The following LIN37 variants were observed in gnomAD, a reference collection of about 807,000 sequenced individuals.
The protein encoded by LIN37 is lin-37 DREAM MuvB core complex component, also known as protein lin-37 homolog.
A neutral mutation model predicts 38.0 loss-of-function variants in LIN37; 21 were observed. The observed-to-expected ratio is 0.55, with a 90% CI of 0.39 to 0.80. The LOEUF (loss-of-function observed/expected upper bound fraction) is 0.80. Among genes scored for constraint, LIN37 ranks in the 30% least tolerant of loss-of-function variants. LIN37 has a pLI of 0.00. For synonymous variants in LIN37, 126 were observed against 122.9 expected (o/e 1.03, Z -0.17); for missense variants, 273 against 338.5 (o/e 0.81, Z 1.52).
Position 35,753,083 on chromosome 19 carries a change from C to T in LIN37, c.278-4C>T. On this transcript the variant is annotated splice_region_variant and splice_polypyrimidine_tract_variant and intron_variant, in intron 5 of 8. Coordinates refer to ENST00000301159, the MANE Select transcript of LIN37 (RefSeq NM_019104.3). ...TCACACACCTCCCATCCCCACCTTC[C>T]CAGACACATATGTGATCAAGCTGTT... 6.2e-7 allele frequency: 1 copy of T among 1,604,296 alleles called. No individual in the cohort carries two copies. The highest frequency in any genetic ancestry group is 8.5e-7 in the Non-Finnish European group (1 of 1,175,470).
chr19:35,752,323 G>A (rs1970690168), intron 2 of LIN37, 72 bp downstream of exon 2: 1 of 1,573,668 alleles, frequency 6.4e-7, no homozygotes, highest in Admixed American at 1.8e-5. Context: ...TGGATTGGGT[G>A]GGACCCCACA....
Position 35,754,447 on chromosome 19 carries a change from C to T in LIN37, c.714C>T (p.Ile238=). 2 of 1,614,044 alleles carry T rather than the reference C, an allele frequency of 1.2e-6. No homozygotes were observed. Among genetic ancestry groups the T allele is most frequent in the South Asian group, 1.1e-5 (1 of 91,088 alleles). The change falls in exon 9 of 9, where the codon ATC becomes ATT. Residue 238 remains isoleucine, a synonymous_variant. Transcript: ENST00000301159. ...TTCGTTACTCAGAAAGCATGAAGAT[C>T]CTACGAGAGATGTACGAACGACAGT... ...NQLRYSESMK[I]LREMYERQ
At chr19:35,752,106 C>A in intron 1 of LIN37, 70 bp from the exon 2 acceptor site, 1 of 1,249,976 alleles carries the variant, frequency 8.0e-7, no homozygotes, top group Admixed American at 2.0e-5. Flanking sequence ...ACGCCCTTCC[C>A]TGGCCCAGTC....
intron 6 of LIN37, 119 bp downstream of exon 6, chr19:35,753,372 C>T (rs1462161969): frequency 2.5e-6 from 3 of 1,217,994 alleles, no homozygotes; most frequent in Non-Finnish European, 3.5e-6. Context: ...TCACGTGAAT[C>T]CTGGATCAGG....
rs748579282 is a variant in LIN37 at position 35,753,140 on chromosome 19, G to A, written c.331G>A (p.Glu111Lys). The A allele has an allele frequency of 3.7e-6, 6 of 1,601,214 alleles. No individual in the cohort carries two copies. Among genetic ancestry groups the A allele is most frequent in the Admixed American group, 1.7e-5 (1 of 58,296 alleles). ...GAGCGTGGACTTGGCCCAGTTCAGC[G>A]AGAACACGCCACTGTACCCAATCTG... ...DRSVDLAQFS[E>K]NTPLYPICRA... Residue 111 changes from glutamate to lysine, a missense_variant, in exon 6 of 9, where the codon GAG becomes AAG. Physicochemically the swap from Glu to Lys is moderately conservative, Grantham distance 56. Transcript: ENST00000301159.
At chr19:35,753,570 C>G (rs1970710711) in intron 6 of LIN37, 1 of 524,648 alleles carries the variant, frequency 1.9e-6, no homozygotes, top group Admixed American at 3.2e-5. Context: ...ACAGAAGTGG[C>G]CACCAGGCCT....
intron 1 of LIN37, among the ~76,000 whole-genome samples, chr19:35,751,210 A>T (rs1205041942): frequency 7.1e-6 from 1 of 141,198 alleles, no homozygotes. Flanking sequence ...AATCCCAGCT[A>T]TTTGGGAGGC....
intron 6 of LIN37, chr19:35,753,661 A>G: frequency 2.0e-6 from 1 of 491,992 alleles, no homozygotes; most frequent in South Asian, 2.2e-5. Context: ...TCCCCAGGAC[A>G]GACATATAGG....
chr19:35,752,859 T>C, intron 4 of LIN37, 26 bp downstream of exon 4: 1 of 1,602,470 alleles, frequency 6.2e-7, no homozygotes, highest in South Asian at 1.1e-5. Flanking sequence ...CCCAGCCAGC[T>C]GACTAGAGGC....
intron 1 of LIN37, among the ~76,000 whole-genome samples, chr19:35,749,835 G>GAAAT (rs1359678108): frequency 6.6e-6 from 1 of 151,144 alleles, no homozygotes; most frequent in African/African-American, 2.4e-5. Context: ...GAAAAGAAAA[G>GAAAT]AAAGAAAGAA....
intron 1 of LIN37, among the ~76,000 whole-genome samples, chr19:35,751,264 T>A (rs1970678851): frequency 6.6e-6 from 1 of 151,790 alleles, no homozygotes; most frequent in Non-Finnish European, 1.5e-5. Flanking sequence ...GAGGTTGCAG[T>A]GAGCCAAGAT....
At chr19:35,749,024 G>C (rs1970643234) in intron 1 of LIN37, 1 of 1,262,690 alleles carries the variant, frequency 7.9e-7, no homozygotes, top group African/African-American at 1.5e-5. Flanking sequence ...ACTCTGAGAA[G>C]GGCCCTTTTC....
intron 1 of LIN37, among the ~76,000 whole-genome samples, chr19:35,750,597 G>A (rs947437180): frequency 2.2e-4 from 34 of 152,194 alleles, no homozygotes; most frequent in African/African-American, 7.7e-4. Flanking sequence ...AGGCTAACTG[G>A]GCAGGAAGGT....
intron 4 of LIN37, 31 bp from the exon 5 acceptor site, chr19:35,752,883 C>T (rs1366593739): frequency 6.3e-6 from 10 of 1,592,898 alleles, no homozygotes; most frequent in Non-Finnish European, 8.5e-6. Context: ...CAGCTCCTAC[C>T]CCAGTCCTGA....
rs1285667745 is a variant in LIN37, at chr19:35,749,630, T to TA, written c.34+878dup. Among the ~76,000 whole-genome samples the TA allele has an allele frequency of 2.7e-5, 3 of 111,198 alleles. No homozygotes were observed. The South Asian group carries it at 9.2e-4, about 34-fold the overall frequency. 73.0% of individuals were successfully genotyped at this position (111,198 alleles called of 152,430 possible). On this transcript the variant is annotated intron_variant, in intron 1 of 8. Transcript: ENST00000301159. ...GCAACATAGCGAAACGCTGTCTCTA[T>TA]AAAAAATACAAAAAAAAAAAAAAAA...
chr19:35,748,618 C>T lies in LIN37; in HGVS notation c.-107C>T. ...CAACCAAAGGCGGAGGACCCGTGGC[C>T]CACGAAGCTCATCTTTGAACTGTCC... On this transcript the variant is annotated 5_prime_UTR_variant, in exon 1 of 9. Transcript: ENST00000301159. 6.7e-7 allele frequency: 1 copy of T among 1,496,194 alleles called. No individual in the cohort carries two copies. The allele number at this position is 1,496,194 out of a possible 1,614,324, so 92.7% of individuals were successfully genotyped here.
At position 35,754,326 on chromosome 19, in the gene LIN37, G is replaced by A. The variant is rs745626944; in HGVS notation, c.659+7G>A. The A allele has an allele frequency of 1.9e-5, 31 of 1,613,880 alleles. No homozygotes were observed. The highest frequency in any genetic ancestry group is 1.5e-4 in the Admixed American group (9 of 60,008). On this transcript the variant is annotated splice_region_variant and intron_variant, in intron 8 of 8. Transcript: ENST00000301159. ...GGAAACGCATCCGCCAGAGGTGAGC[G>A]TCCCCCAGCCTGCTTGCCCCTCGTA...
chr19:35,754,483 G>C lies in LIN37; in HGVS notation c.*9G>C, dbSNP rs1367703805. 1 of 1,613,482 alleles carries C rather than the reference G, an allele frequency of 6.2e-7. No individual in the cohort carries two copies. Among genetic ancestry groups the C allele is most frequent in the South Asian group, 1.1e-5 (1 of 91,070 alleles). The stretch of plus-strand genomic sequence containing the variant: ...TGTACGAACGACAGTGATGTTCCCA[G>C]GTCCCCCCACACCAGTAAACATCCC... On this transcript the variant is annotated 3_prime_UTR_variant, in exon 9 of 9. Transcript: ENST00000301159.
In LIN37 at chr19:35,754,269, C is replaced by T. The variant is rs1341343511; in HGVS notation, c.609C>T (p.Pro203=). The T allele has an allele frequency of 1.2e-6, 2 of 1,613,952 alleles. No homozygotes were observed. The highest frequency in any genetic ancestry group is 1.7e-6 in the Non-Finnish European group (2 of 1,179,904). ...AGCCCTCTGAGCCCGAGCCCTCACC[C>T]TCCACACTCATCTATCGCAACATGC... The part of the protein sequence containing the change: ...DDEPSEPEPS[P]STLIYRNMQR... The change falls in exon 8 of 9, where the codon CCC becomes CCT. Residue 203 remains proline, a synonymous_variant. Coordinates refer to ENST00000301159, the MANE Select transcript of LIN37 (RefSeq NM_019104.3).
Sources: allele counts gnomAD v4.1 joint callset (sites outside exome capture counted in the v4.1 genomes callset), GRCh38; gene constraint gnomAD v4.1.1; transcripts MANE v1.5; gene names NCBI Gene and HGNC (gene_info 2026-07-23, HGNC 2026-07-21).